MGST1: variants seen among roughly 807,000 people sequenced by gnomAD.
The protein encoded by MGST1 is microsomal glutathione S-transferase 1.
MGST1 carries 5 observed loss-of-function variants against 8.9 expected under a neutral mutation model. That is an observed-to-expected ratio of 0.56 (90% CI 0.29 to 1.19). The LOEUF (loss-of-function observed/expected upper bound fraction) is 1.19, where lower values mean the gene tolerates loss of function less well. Ranked by LOEUF, MGST1 falls within the 50% of genes most tolerant of loss-of-function variation. The pLI is 0.08. For missense variants in MGST1, 182 were observed against 187.4 expected, an observed-to-expected ratio of 0.97 and a Z score of 0.17; for synonymous variants, 54 against 67.8, an observed-to-expected ratio of 0.80 and a Z score of 1.00.
chr12:16,442,252 CAG>C (rs57438099), downstream of MGST1, among the ~76,000 whole-genome samples: 22,068 of 151,740 alleles, frequency 0.15, 1,989 homozygotes, highest in East Asian at 0.43. This position sits in a 1 kb window ranked among gnomAD's most constrained non-coding sequence, Gnocchi z 4.5. Flanking sequence ...TATTTTCTCA[CAG>C]AGTGTGGCTT....
intron 4 of MGST1, among the ~76,000 whole-genome samples, chr12:16,444,563 A>G (rs1466918342): frequency 1.3e-5 from 2 of 151,916 alleles, no homozygotes; most frequent in Non-Finnish European, 2.9e-5. Context: ...CATCATTTTC[A>G]GCTTATCCTC....
chr12:16,536,618 T>G (rs576072210), intron 4 of MGST1, among the ~76,000 whole-genome samples: 1 of 152,130 alleles, frequency 6.6e-6, no homozygotes, highest in Non-Finnish European at 1.5e-5. Context: ...GAAGAAGAGG[T>G]TTAATTGGAC....
downstream of MGST1, among the ~76,000 whole-genome samples, chr12:16,592,269 T>A (rs1371248382): frequency 6.6e-6 from 1 of 151,966 alleles, no homozygotes; most frequent in African/African-American, 2.4e-5. Context: ...CAAACCCCAA[T>A]CCTGCCTCTC....
At chr12:16,540,308 T>C (rs1437303327) in intron 4 of MGST1, among the ~76,000 whole-genome samples, 1 of 152,160 alleles carries the variant, frequency 6.6e-6, no homozygotes, top group Non-Finnish European at 1.5e-5. Context: ...GGTCTTGCTG[T>C]GTTACCCAGG....
At chr12:16,424,762 A>G (rs1384651457) in intron 1 of MGST1, among the ~76,000 whole-genome samples, 1 of 152,116 alleles carries the variant, frequency 6.6e-6, no homozygotes, top group African/African-American at 2.4e-5. Context: ...TTAAACTGTC[A>G]CCTTGTCATT....
At chr12:16,418,195 C>T (rs112779321) in intron 1 of MGST1, among the ~76,000 whole-genome samples, 7,400 of 152,028 alleles carry the variant, frequency 0.049, 257 homozygotes, top group Non-Finnish European at 0.067. Context: ...TATAGAGTGG[C>T]GATTATTGTC....
chr12:16,571,990 C>A (rs868208180), intron 4 of MGST1, among the ~76,000 whole-genome samples: 1 of 151,756 alleles, frequency 6.6e-6, no homozygotes, highest in African/African-American at 2.4e-5. Flanking sequence ...AGAGAAAAAT[C>A]CCACATTATC....
rs1040614373 is a variant in MGST1 at position 16,406,441 on chromosome 12, T to A, written n.778+22837T>A. Among the ~76,000 whole-genome samples, 11 of 152,304 alleles carry A rather than the reference T, an allele frequency of 7.2e-5. No homozygotes were observed. In the East Asian group the frequency reaches 2.1e-3, roughly 29 times the overall value. ...CGCAAACAAATGGAAAAACATTCCA[T>A]TCTCATGGATAGGAAGAATCAATAT... On this transcript the variant is annotated intron_variant and non_coding_transcript_variant, in intron 1 of 1. Transcript: ENST00000359720.
At chr12:16,435,922 A>T (rs769164995) in intron 1 of MGST1, among the ~76,000 whole-genome samples, 2 of 151,834 alleles carry the variant, frequency 1.3e-5, no homozygotes, top group Non-Finnish European at 2.9e-5. Context: ...CATAAGAACT[A>T]TATAGGAAAA....
intron 4 of MGST1, among the ~76,000 whole-genome samples, chr12:16,474,493 TTACTC>T (rs1435312675): frequency 6.6e-6 from 1 of 152,226 alleles, no homozygotes; most frequent in Non-Finnish European, 1.5e-5. Flanking sequence ...ACTTTCAAAA[TTACTC>T]TACCCCAAAG....
rs1007916776 is a variant in MGST1 at position 16,555,229 on chromosome 12, A to G, written n.483-34299A>G. On this transcript the variant is annotated intron_variant and non_coding_transcript_variant, in intron 4 of 4. Transcript: ENST00000538857. This position sits in a 1 kb window ranked among gnomAD's most constrained non-coding sequence, Gnocchi z 5.5. ...CTTAAGTTGTTCCCTAGCAAGAAAT[A>G]TTTCTCCCCTTTTTCTGTCTACTTA... Among the ~76,000 whole-genome samples the G allele has an allele frequency of 2.3e-4, 35 of 152,206 alleles. No homozygotes were observed. The highest frequency in any genetic ancestry group is 3.8e-4 in the Non-Finnish European group (26 of 68,008).
intron 1 of MGST1, among the ~76,000 whole-genome samples, chr12:16,421,572 G>A (rs1345017601): frequency 6.6e-6 from 1 of 152,164 alleles, no homozygotes; most frequent in East Asian, 1.9e-4. Flanking sequence ...CTATTCATGT[G>A]TAGAATAATC....
At chr12:16,590,811 G>A (rs1387071218), downstream of MGST1, among the ~76,000 whole-genome samples, 2 of 151,838 alleles carry the variant, frequency 1.3e-5, no homozygotes, top group South Asian at 2.1e-4. Flanking sequence ...TCAAACATGC[G>A]ACTATATCAT....
intron 4 of MGST1, among the ~76,000 whole-genome samples, chr12:16,531,015 T>G (rs774215959): frequency 6.6e-6 from 1 of 151,932 alleles, no homozygotes; most frequent in Admixed American, 6.6e-5. Flanking sequence ...ATAACTCATA[T>G]GAAAAAGTAA....
chr12:16,424,161 TG>T (rs1277318141), intron 1 of MGST1, among the ~76,000 whole-genome samples: 2 of 152,358 alleles, frequency 1.3e-5, no homozygotes, highest in East Asian at 3.9e-4. Context: ...GTTAAATAAA[TG>T]CTGCATTAAA....
intron 1 of MGST1, among the ~76,000 whole-genome samples, chr12:16,351,015 C>T (rs1035610205): frequency 1.3e-5 from 2 of 152,102 alleles, no homozygotes. Context: ...TTTCTCTACT[C>T]TTTCAATACT....
intron 1 of MGST1, among the ~76,000 whole-genome samples, chr12:16,436,054 T>G (rs1246869194): frequency 2.0e-5 from 3 of 151,704 alleles, no homozygotes; most frequent in Admixed American, 6.6e-5. Context: ...TTGGCTCCAC[T>G]AAAATTATTT....
At chr12:16,436,553 G>C (rs537922572) in intron 1 of MGST1, among the ~76,000 whole-genome samples, 72 of 148,348 alleles carry the variant, frequency 4.9e-4, no homozygotes, top group African/African-American at 1.7e-3. Flanking sequence ...AATGAAACAG[G>C]AAAGAAAAAA....
At chr12:16,581,204 C>G (rs1391956946) in intron 4 of MGST1, among the ~76,000 whole-genome samples, 1 of 152,160 alleles carries the variant, frequency 6.6e-6, no homozygotes, top group Non-Finnish European at 1.5e-5. Flanking sequence ...GTCCCTGAAG[C>G]CATGTCCTCA....
Sources: gnomAD v4.1 joint callset for allele counts (sites outside exome capture counted in the v4.1 genomes callset) on GRCh38, gnomAD v4.1.1 for gene constraint, Gnocchi (gnomAD v3.1) non-coding constraint, MANE v1.5 for transcripts, NCBI Gene and HGNC (gene_info 2026-07-23, HGNC 2026-07-21) for gene names.